The following RBFOX1 variants were observed in gnomAD, a reference collection of about 807,000 sequenced individuals.
RBFOX1 encodes the protein RNA binding fox-1 homolog 1, also known as RNA binding protein fox-1 homolog 1.
RBFOX1 carries 8 observed loss-of-function variants against 57.7 expected under a neutral mutation model. The ratio of observed to expected loss-of-function variants is 0.14; its 90% CI spans 0.08 to 0.25. The LOEUF (loss-of-function observed/expected upper bound fraction) is 0.25. Ranked by LOEUF, RBFOX1 falls within the 10% of genes least tolerant of loss-of-function variation. The pLI is 1.00. For synonymous variants in RBFOX1, 326 were observed against 222.4 expected, an observed-to-expected ratio of 1.47 and a Z score of -4.15; for missense variants, 611 against 548.5, an observed-to-expected ratio of 1.11 and a Z score of -1.14.
chr16:6,663,091 G>A lies in RBFOX1; in HGVS notation c.-16+8441G>A, dbSNP rs79017188. Among the ~76,000 whole-genome samples, 512 of 152,266 alleles carry A rather than the reference G, an allele frequency of 3.4e-3. 4 individuals carry two copies. The highest frequency in any genetic ancestry group is 0.012 in the African/African-American group (498 of 41,548). ...GCAGGAGGGAACCAGAAGTGGGCAG[G>A]GATGGATACAGGAGTACAGGGTGGA... On this transcript the variant is annotated intron_variant, in intron 3 of 15. Coordinates refer to ENST00000550418, the MANE Select transcript of RBFOX1 (RefSeq NM_018723.4).
chr16:6,022,656 C>G (rs1339048912), intron 1 of RBFOX1, among the ~76,000 whole-genome samples: 3 of 152,150 alleles, frequency 2.0e-5, no homozygotes, highest in Non-Finnish European at 2.9e-5. Flanking sequence ...GCACTCCAGC[C>G]TGGGTGACCA....
chr16:7,438,826 T>G (rs2098742856), intron 4 of RBFOX1, among the ~76,000 whole-genome samples: 1 of 152,168 alleles, frequency 6.6e-6, no homozygotes, highest in Non-Finnish European at 1.5e-5. Context: ...ACCTAGACTT[T>G]CAACCACGCC....
At chr16:6,810,612 C>A (rs1371355766) in intron 3 of RBFOX1, among the ~76,000 whole-genome samples, 1 of 151,980 alleles carries the variant, frequency 6.6e-6, no homozygotes, top group East Asian at 1.9e-4. Context: ...TAAAGAACTT[C>A]CTGGAGACTG....
chr16:6,240,131 C>G (rs543214495), intron 1 of RBFOX1, among the ~76,000 whole-genome samples: 1 of 152,326 alleles, frequency 6.6e-6, no homozygotes, highest in South Asian at 2.1e-4. Flanking sequence ...TCCTGCTTCA[C>G]CTTCCGCCAT....
At chr16:7,627,512 G>A (rs1266239243) in intron 10 of RBFOX1, among the ~76,000 whole-genome samples, 1 of 152,208 alleles carries the variant, frequency 6.6e-6, no homozygotes, top group Non-Finnish European at 1.5e-5. Context: ...CCTGGCATTT[G>A]GCAGTAGAAG....
At chr16:7,501,501 C>G (rs766180596) in intron 4 of RBFOX1, among the ~76,000 whole-genome samples, 5 of 152,302 alleles carry the variant, frequency 3.3e-5, no homozygotes, top group Non-Finnish European at 7.3e-5. Context: ...AGACATAGGT[C>G]TCTGCTTTTG....
At chr16:7,681,340 CA>C (rs1298618857) in intron 14 of RBFOX1, among the ~76,000 whole-genome samples, 1 of 152,038 alleles carries the variant, frequency 6.6e-6, no homozygotes, top group Non-Finnish European at 1.5e-5. Context: ...AATATTTCAT[CA>C]TAAGCTAAAT....
intron 4 of RBFOX1, among the ~76,000 whole-genome samples, chr16:7,246,714 G>C (rs1388808271): frequency 6.8e-6 from 1 of 146,822 alleles, no homozygotes; most frequent in Non-Finnish European, 1.5e-5. Context: ...AGAACTCTTG[G>C]AGTTTTGTTG....
intron 4 of RBFOX1, among the ~76,000 whole-genome samples, chr16:7,101,607 A>T (rs1267644687): frequency 6.6e-6 from 1 of 151,998 alleles, no homozygotes; most frequent in African/African-American, 2.4e-5. Flanking sequence ...AGCTATAAAG[A>T]CTCTGATGAA....
chr16:6,317,098 T>C, intron 2 of RBFOX1, 41 bp downstream of exon 2: 1 of 1,488,980 alleles, frequency 6.7e-7, no homozygotes, highest in East Asian at 2.5e-5. Context: ...CATAAATACA[T>C]CCATGTCTTT....
At chr16:5,690,203 A>C (rs2050630874) in intron 3 of RBFOX1, among the ~76,000 whole-genome samples, 1 of 152,224 alleles carries the variant, frequency 6.6e-6, no homozygotes, top group Admixed American at 6.5e-5. Flanking sequence ...ATGAAAGGGC[A>C]TACATTGAAG....
At chr16:5,259,597 G>GCTCT (rs758447264) in intron 1 of RBFOX1, among the ~76,000 whole-genome samples, 254 of 152,300 alleles carry the variant, frequency 1.7e-3, no homozygotes, top group Middle Eastern at 0.01. Context: ...ATGGAGTGAG[G>GCTCT]CTCTAGGGAG....
intron 3 of RBFOX1, among the ~76,000 whole-genome samples, chr16:6,805,754 C>T (rs12444225): frequency 1.3e-4 from 19 of 152,000 alleles, no homozygotes; most frequent in Admixed American, 3.9e-4. Flanking sequence ...GTTTTTCCCT[C>T]CACTGTAAAG....
At chr16:6,507,766 T>C (rs1208111854) in intron 2 of RBFOX1, among the ~76,000 whole-genome samples, 1 of 151,708 alleles carries the variant, frequency 6.6e-6, no homozygotes, top group Non-Finnish European at 1.5e-5. Flanking sequence ...GTATCTAAAG[T>C]AGTCAAATTC....
intron 4 of RBFOX1, among the ~76,000 whole-genome samples, chr16:5,972,034 T>A (rs542643640): frequency 2.0e-4 from 30 of 152,218 alleles, no homozygotes; most frequent in African/African-American, 7.2e-4. Context: ...GGACTCAAAC[T>A]GAAGCATGGG....
chr16:6,599,590 G>A (rs902126320), intron 2 of RBFOX1, among the ~76,000 whole-genome samples: 3 of 152,092 alleles, frequency 2.0e-5, no homozygotes, highest in Non-Finnish European at 4.4e-5. Flanking sequence ...GCAAAAACTT[G>A]ATTTTCCCCC....
chr16:6,829,351 T>C (rs1603629794), intron 3 of RBFOX1, among the ~76,000 whole-genome samples: 1 of 151,606 alleles, frequency 6.6e-6, no homozygotes, highest in Non-Finnish European at 1.5e-5. Context: ...TGTGAGGAAG[T>C]AAATTCAATG....
intron 4 of RBFOX1, among the ~76,000 whole-genome samples, chr16:5,970,439 C>G (rs1186016303): frequency 6.6e-6 from 1 of 152,138 alleles, no homozygotes; most frequent in Non-Finnish European, 1.5e-5. Context: ...AAGGCAGTCT[C>G]CTCTCTTGAC....
At chr16:7,075,364 C>G (rs990174336) in intron 4 of RBFOX1, among the ~76,000 whole-genome samples, 1 of 152,180 alleles carries the variant, frequency 6.6e-6, no homozygotes, top group Non-Finnish European at 1.5e-5. Context: ...GTTGGGAAGT[C>G]AAAAACTTTC....
Sources: gnomAD v4.1 joint callset for allele counts (sites outside exome capture counted in the v4.1 genomes callset) on GRCh38, gnomAD v4.1.1 for gene constraint, MANE v1.5 for transcripts, NCBI Gene and HGNC (gene_info 2026-07-23, HGNC 2026-07-21) for gene names.